The following TOPBP1 variants were observed in gnomAD, a reference collection of about 807,000 sequenced individuals.
The protein encoded by TOPBP1 is DNA topoisomerase 2-binding protein 1.
A neutral mutation model predicts 167.7 loss-of-function variants in TOPBP1; 28 were observed. That is an observed-to-expected ratio of 0.17 (90% CI 0.12 to 0.23). The LOEUF is 0.23. TOPBP1 is among the 10% of genes least tolerant of loss of function. TOPBP1 has a pLI of 1.00. For missense variants in TOPBP1, 1,554 were observed against 1,809.6 expected, an observed-to-expected ratio of 0.86 and a Z score of 2.56; for synonymous variants, 598 against 611.4, an observed-to-expected ratio of 0.98 and a Z score of 0.32.
In TOPBP1 at chr3:133,620,340, T is replaced by C. The variant is rs1403855415; in HGVS notation, c.3186A>G (p.Thr1062=). The part of the protein sequence containing the change: ...SGKNDSKGVL[T]QTLEMRENFQ... ...AGTTCTCTCTCATCTCTAAGGTCTG[T>C]GTCAGAACTTGAAACAAACACAAAT... Residue 1062 remains threonine (T), a synonymous_variant, in exon 20 of 28, where the codon ACA becomes ACG. Coordinates refer to ENST00000260810, the MANE Select transcript of TOPBP1 (RefSeq NM_007027.4). The C allele has an allele frequency of 1.9e-6, 3 of 1,612,766 alleles. No homozygotes were observed. Among genetic ancestry groups the C allele is most frequent in the South Asian group, 2.2e-5 (2 of 90,938 alleles).
At chr3:133,643,517 A>C in intron 11 of TOPBP1, 145 bp from the exon 12 acceptor site, 1 of 609,680 alleles carries the variant, frequency 1.6e-6, no homozygotes, top group East Asian at 3.0e-5. Context: ...TTCTCAATAC[A>C]TTTCATATCA....
chr3:133,659,102 C>G lies in TOPBP1; in HGVS notation c.133G>C (p.Glu45Gln). 6.3e-7 allele frequency: 1 copy of G among 1,588,082 alleles called. No homozygotes were observed. The highest frequency in any genetic ancestry group is 8.6e-7 in the Non-Finnish European group (1 of 1,166,416). ...SEEYLQIITE[E>Q]EALKIKENDR... The stretch of plus-strand genomic sequence containing the variant: ...TTCTCCTTTATCTTCAATGCCTCTT[C>G]TTCTGTAATAATCTGAAGATATTCT... Residue 45 changes from glutamate (E) to glutamine (Q), a missense_variant, in exon 3 of 28, where the codon GAA (glutamate) becomes CAA (glutamine). Glu to Gln is a conservative substitution (Grantham distance 29). Coordinates refer to ENST00000260810, the MANE Select transcript of TOPBP1 (RefSeq NM_007027.4).
rs1486782475 is a variant in TOPBP1, at chr3:133,659,002, A to G, written c.219+14T>C. ...AAATAGACTACCAAAGGTACACACT[A>G]GAAGTCAGCAAACCTTTTTGAGGTG... On this transcript the variant is annotated intron_variant, in intron 3 of 27. Coordinates refer to ENST00000260810, the MANE Select transcript of TOPBP1 (RefSeq NM_007027.4). The G allele has an allele frequency of 2.5e-6, 4 of 1,589,720 alleles. No homozygotes were observed. The highest frequency in any genetic ancestry group is 2.2e-5 in the East Asian group (1 of 44,520).
At chr3:133,637,171 A>G (rs1935704124) in intron 14 of TOPBP1, among the ~76,000 whole-genome samples, 1 of 152,214 alleles carries the variant, frequency 6.6e-6, no homozygotes, top group South Asian at 2.1e-4. Context: ...AATGAGTAAA[A>G]TAATTCTTCA....
intron 14 of TOPBP1, among the ~76,000 whole-genome samples, 159 bp from the exon 15 acceptor site, chr3:133,628,892 T>C (rs569738170): frequency 2.9e-4 from 44 of 152,302 alleles, no homozygotes; most frequent in Admixed American, 1.1e-3. Context: ...TAACTTCCTC[T>C]AGTTTTCCTC....
intron 16 of TOPBP1, among the ~76,000 whole-genome samples, chr3:133,626,930 C>T (rs886794677): frequency 1.3e-5 from 2 of 152,206 alleles, no homozygotes; most frequent in South Asian, 4.2e-4. Context: ...TTGCAAAGAT[C>T]GGGCCTACAT....
At chr3:133,612,304 T>C (rs1576679852) in intron 24 of TOPBP1, 85 bp downstream of exon 24, 1 of 1,525,998 alleles carries the variant, frequency 6.6e-7, no homozygotes, top group African/African-American at 1.4e-5. Flanking sequence ...CCTCCCAAAG[T>C]GCTAGGATAA....
intron 14 of TOPBP1, among the ~76,000 whole-genome samples, chr3:133,629,507 C>T (rs983966722): frequency 8.5e-5 from 13 of 152,150 alleles, no homozygotes; most frequent in African/African-American, 3.1e-4. Flanking sequence ...AAGAAGACAG[C>T]TCAAGACCAG....
intron 23 of TOPBP1, among the ~76,000 whole-genome samples, chr3:133,614,895 G>A (rs1208672391): frequency 2.0e-5 from 3 of 151,678 alleles, no homozygotes; most frequent in Non-Finnish European, 4.4e-5. Flanking sequence ...GTTAATGGGA[G>A]CAGCACACCA....
Position 133,606,827 on chromosome 3 carries a change from C to A in TOPBP1, c.4425+1708G>T, listed in dbSNP as rs188069444. ...TATATGGAAAAAAACCAGCCCTAGT[C>A]CATACCTCAGAGCATTAAGAAAAAT... is the stretch of plus-strand genomic sequence containing the variant. On this transcript the variant is annotated intron_variant, in intron 27 of 27. Coordinates refer to ENST00000260810, the MANE Select transcript of TOPBP1 (RefSeq NM_007027.4). Among the ~76,000 whole-genome samples, 44 of 152,084 alleles carry A rather than the reference C, an allele frequency of 2.9e-4. No homozygotes were observed. The East Asian group carries it at 4.4e-3, about 15-fold the overall frequency.
At chr3:133,605,261 CAA>C (rs1453708079) in intron 27 of TOPBP1, among the ~76,000 whole-genome samples, 2 of 150,716 alleles carry the variant, frequency 1.3e-5, no homozygotes, top group African/African-American at 2.4e-5. Context: ...GCATCTTACA[CAA>C]ACTCTTCGAG....
intron 16 of TOPBP1, 82 bp downstream of exon 16, chr3:133,628,280 T>G: frequency 8.0e-7 from 1 of 1,247,672 alleles, no homozygotes; most frequent in Non-Finnish European, 1.1e-6. Context: ...ATAAATGTAT[T>G]CTTGTAGATG....
chr3:133,618,129 G>C (rs1934959936), intron 21 of TOPBP1, 84 bp downstream of exon 21: 3 of 1,197,362 alleles, frequency 2.5e-6, no homozygotes, highest in Non-Finnish European at 3.6e-6. Context: ...TCAGATCAGA[G>C]AACTACAACA....
chr3:133,640,015 C>G lies in TOPBP1; in HGVS notation c.2177G>C (p.Arg726Thr). The change falls in exon 13 of 28, where the codon AGA (arginine) becomes ACA (threonine). Residue 726 changes from arginine (R) to threonine (T), a missense_variant. Physicochemically the swap from Arg to Thr is moderately conservative, Grantham distance 71. Coordinates refer to ENST00000260810, the MANE Select transcript of TOPBP1 (RefSeq NM_007027.4). ...GCTTTCGTCTGCTCTCTTTCCCGTT[C>G]TAGCAGTCTCCAACAGCCAAGCTAT... ...VTIAWLLETA[R>T]TGKRADESHF... 6.2e-7 allele frequency: 1 copy of G among 1,613,918 alleles called. No homozygotes were observed.
In TOPBP1 at chr3:133,651,424, A is replaced by G. The variant is rs1936299540; in HGVS notation, c.1089+1039T>C. ...AGGCTGGTCTCCAACTCCTGACCTC[A>G]GGTATCTGCCCACCTTGGCCTCCCA... is the stretch of plus-strand genomic sequence containing the variant. On this transcript the variant is annotated intron_variant, in intron 8 of 27. Coordinates refer to ENST00000260810, the MANE Select transcript of TOPBP1 (RefSeq NM_007027.4). Among the ~76,000 whole-genome samples, 4 of 152,060 alleles carry G rather than the reference A, an allele frequency of 2.6e-5. No individual in the cohort carries two copies. In the South Asian group the frequency reaches 8.3e-4, roughly 32 times the overall value.
Position 133,608,525 on chromosome 3 carries a change from T to C in TOPBP1, c.4425+10A>G. ...GGTAATGAGGAGGTCAAGGATAGAATCTCACAAACCTGCATGAGATAATCA... is the reference window on the plus strand; with the variant it reads ...GGTAATGAGGAGGTCAAGGATAGAACCTCACAAACCTGCATGAGATAATCA... On this transcript the variant is annotated intron_variant, in intron 27 of 27. Coordinates refer to ENST00000260810, the MANE Select transcript of TOPBP1 (RefSeq NM_007027.4). The C allele has an allele frequency of 6.2e-7, 1 of 1,612,888 alleles. No individual in the cohort carries two copies. The highest frequency in any genetic ancestry group is 1.1e-5 in the South Asian group (1 of 90,954).
intron 26 of TOPBP1, 76 bp from the exon 27 acceptor site, chr3:133,608,772 A>C: frequency 6.4e-7 from 1 of 1,571,468 alleles, no homozygotes; most frequent in Non-Finnish European, 8.6e-7. Flanking sequence ...GTACTTAAGG[A>C]TTACCATTTC....
At chr3:133,640,257 T>C in intron 12 of TOPBP1, 87 bp from the exon 13 acceptor site, 1 of 1,125,934 alleles carries the variant, frequency 8.9e-7, no homozygotes, top group South Asian at 1.4e-5. Flanking sequence ...ACAGTGTGGT[T>C]AGAGATCATG....
At position 133,643,248 on chromosome 3, in the gene TOPBP1, C is replaced by G; in HGVS notation, c.1973G>C (p.Gly658Ala). The change falls in exon 12 of 28, where the codon GGA becomes GCA. Residue 658 changes from glycine to alanine, a missense_variant. Around this residue, in one of 3 missense-constraint regions of TOPBP1, gnomAD observed 1,197 missense variants for 1,351.5 expected, o/e 0.89. Coordinates refer to ENST00000260810, the MANE Select transcript of TOPBP1 (RefSeq NM_007027.4). ...DCVISFSQCA[G>A]AEKESLTFLA... ...GAATGTTAAAGACTCTTTTTCTGCTCCAGCACACTGGCTAAATGAAATAAC... is the reference window on the plus strand; with the variant it reads ...GAATGTTAAAGACTCTTTTTCTGCTGCAGCACACTGGCTAAATGAAATAAC... 6.2e-7 allele frequency: 1 copy of G among 1,609,940 alleles called. No homozygotes were observed. The highest frequency in any genetic ancestry group is 8.5e-7 in the Non-Finnish European group (1 of 1,178,484).
Sources: gnomAD v4.1 joint callset for allele counts (sites outside exome capture counted in the v4.1 genomes callset) on GRCh38, gnomAD v4.1.1 for gene constraint, gnomAD v4.1.1 regional missense constraint, MANE v1.5 for transcripts, NCBI Gene and HGNC (gene_info 2026-07-23, HGNC 2026-07-21) for gene names.